The following IL1RAPL2 variants were observed in gnomAD, a reference collection of about 807,000 sequenced individuals.
IL1RAPL2 encodes the protein X-linked interleukin-1 receptor accessory protein-like 2.
Under a neutral mutation model 44.1 loss-of-function variants are expected in IL1RAPL2, and 3 were observed. The observed-to-expected ratio is 0.07, with a 90% confidence interval of 0.03 to 0.18. IL1RAPL2 has a LOEUF of 0.18. IL1RAPL2 is among the 10% of genes least tolerant of loss of function. IL1RAPL2 has a pLI of 1.00. For missense variants in IL1RAPL2, 391 were observed against 496.4 expected, an observed-to-expected ratio of 0.79 and a Z score of 2.02; for synonymous variants, 181 against 178.8, an observed-to-expected ratio of 1.01 and a Z score of -0.10.
At chrX:104,756,682 A>C (rs1932345068) in intron 2 of IL1RAPL2, among the ~76,000 whole-genome samples, 1 of 110,555 alleles carries the variant, frequency 9.0e-6, no homozygotes, top group Non-Finnish European at 1.9e-5. Context: ...AGAATATATA[A>C]AACCTGTACA....
chrX:105,521,775 A>G (rs1218015043), intron 6 of IL1RAPL2, among the ~76,000 whole-genome samples: 1 of 111,845 alleles, frequency 8.9e-6, no homozygotes, highest in Non-Finnish European at 1.9e-5. Flanking sequence ...TTTATAAATT[A>G]CCTAGTCTTG....
At chrX:105,116,828 G>C (rs1014916269) in intron 2 of IL1RAPL2, among the ~76,000 whole-genome samples, 23 of 112,412 alleles carry the variant, frequency 2.0e-4, no homozygotes, top group African/African-American at 7.1e-4. Context: ...GGCTTACAAA[G>C]TATTTCCTAT....
intron 10 of IL1RAPL2, among the ~76,000 whole-genome samples, chrX:105,761,224 C>CACAT (rs1556402513): frequency 1.2e-5 from 1 of 82,157 alleles, no homozygotes; most frequent in East Asian, 3.1e-4. Flanking sequence ...TTCCTATACA[C>CACAT]ACACACACAC....
At chrX:104,862,056 C>T (rs1001342678) in intron 2 of IL1RAPL2, among the ~76,000 whole-genome samples, 1 of 110,299 alleles carries the variant, frequency 9.1e-6, no homozygotes, top group Non-Finnish European at 1.9e-5. Flanking sequence ...ACATAAACAC[C>T]CAGTAGCATG....
At chrX:105,125,669 G>C (rs1246545526) in intron 2 of IL1RAPL2, among the ~76,000 whole-genome samples, 1 of 110,628 alleles carries the variant, frequency 9.0e-6, no homozygotes, top group Non-Finnish European at 1.9e-5. Context: ...GAACAATGTG[G>C]GTTTTAACTG....
At chrX:104,766,551 T>G (rs779155643) in intron 2 of IL1RAPL2, among the ~76,000 whole-genome samples, 1 of 111,407 alleles carries the variant, frequency 9.0e-6, no homozygotes, top group South Asian at 3.8e-4. Context: ...TCATCATGAT[T>G]AACATCATTG....
chrX:104,763,346 A>C (rs1345947821), intron 2 of IL1RAPL2, among the ~76,000 whole-genome samples: 2 of 112,137 alleles, frequency 1.8e-5, no homozygotes, highest in African/African-American at 6.5e-5. Context: ...ACAAGTCTCT[A>C]GGAAGTTCCA....
chrX:105,142,760 T>G (rs1456621819), intron 2 of IL1RAPL2, among the ~76,000 whole-genome samples: 4 of 109,879 alleles, frequency 3.6e-5, no homozygotes, highest in Non-Finnish European at 7.6e-5. Context: ...GTATATCTCC[T>G]AATGCATCCC....
chrX:105,261,472 CTGTTTTTT>C (rs761220438), intron 4 of IL1RAPL2, among the ~76,000 whole-genome samples: 3 of 105,456 alleles, frequency 2.8e-5, no homozygotes, highest in African/African-American at 1.2e-4. Context: ...TCTCTTCAGG[CTGTTTTTT>C]TGTTTGTTTG....
At chrX:104,766,467 A>G (rs1320372522) in intron 2 of IL1RAPL2, among the ~76,000 whole-genome samples, 1 of 109,817 alleles carries the variant, frequency 9.1e-6, no homozygotes, top group African/African-American at 3.3e-5. Flanking sequence ...TCCTATTTAT[A>G]TCAGATATAG....
At chrX:105,228,967 CAT>C (rs1452829548) in intron 3 of IL1RAPL2, among the ~76,000 whole-genome samples, 1 of 112,262 alleles carries the variant, frequency 8.9e-6, no homozygotes, top group Non-Finnish European at 1.9e-5. Context: ...AGATTACTAA[CAT>C]GTGTAATTGT....
At position 104,687,192 on chromosome X, in the gene IL1RAPL2, C is replaced by T. The variant is rs370039029; in HGVS notation, c.82+28197C>T. On this transcript the variant is annotated intron_variant, in intron 2 of 10. Coordinates refer to ENST00000372582, the MANE Select transcript of IL1RAPL2 (RefSeq NM_017416.2). The stretch of plus-strand genomic sequence containing the variant: ...CATTTGTATGGCTATAAAGGAATAA[C>T]TGAGGCTGGGTAATTTATAAAGAAA... 3.8e-4 allele frequency among the ~76,000 whole-genome samples: 43 copies of T among 112,106 alleles called. 1 individual carries two copies. The highest frequency in any genetic ancestry group is 3.4e-3 in the East Asian group (12 of 3,563).
At chrX:105,089,975 T>C (rs1408834633) in intron 2 of IL1RAPL2, among the ~76,000 whole-genome samples, 1 of 111,633 alleles carries the variant, frequency 9.0e-6, no homozygotes, top group Non-Finnish European at 1.9e-5. Context: ...TGTAGTTCAT[T>C]ATCGGACTTT....
At chrX:105,050,697 CAAGT>C (rs916440390) in intron 2 of IL1RAPL2, among the ~76,000 whole-genome samples, 9 of 111,795 alleles carry the variant, frequency 8.1e-5, no homozygotes, top group African/African-American at 2.9e-4. Flanking sequence ...GGTACACAGA[CAAGT>C]AAAGGGTAAA....
chrX:104,674,610 A>G (rs866302333), intron 2 of IL1RAPL2, among the ~76,000 whole-genome samples: 2 of 111,324 alleles, frequency 1.8e-5, no homozygotes, highest in African/African-American at 3.3e-5. Context: ...TGCTGGCCTC[A>G]TAAAATGAGT....
intron 2 of IL1RAPL2, among the ~76,000 whole-genome samples, chrX:105,042,814 A>G (rs2031769184): frequency 9.3e-6 from 1 of 107,706 alleles, no homozygotes; most frequent in African/African-American, 3.4e-5. Flanking sequence ...AATAGCAAAG[A>G]CTTGGAACCA....
intron 2 of IL1RAPL2, among the ~76,000 whole-genome samples, chrX:104,847,404 T>A (rs1922084450): frequency 8.9e-6 from 1 of 111,929 alleles, no homozygotes; most frequent in Non-Finnish European, 1.9e-5. Context: ...TTCAGCTTTC[T>A]ACATATGGCT....
intron 1 of IL1RAPL2, among the ~76,000 whole-genome samples, chrX:104,630,340 A>C (rs1315033324): frequency 9.1e-6 from 1 of 110,435 alleles, no homozygotes; most frequent in Non-Finnish European, 1.9e-5. Context: ...GTAGAGACGG[A>C]CTTTCACCAT....
intron 5 of IL1RAPL2, among the ~76,000 whole-genome samples, chrX:105,443,532 CTT>C (rs775705776): frequency 8.9e-6 from 1 of 111,917 alleles, no homozygotes; most frequent in Admixed American, 9.5e-5. Flanking sequence ...CGTAACCATA[CTT>C]TATTCTCTAT....
Sources: allele counts gnomAD v4.1 joint callset (sites outside exome capture counted in the v4.1 genomes callset), GRCh38; gene constraint gnomAD v4.1.1; transcripts MANE v1.5; gene names NCBI Gene and HGNC (gene_info 2026-07-23, HGNC 2026-07-21).